Variants in KCNT2 observed in about 807,000 individuals in gnomAD.
The protein encoded by KCNT2 is potassium channel subfamily T member 2.
KCNT2 carries 67 observed loss-of-function variants against 153.8 expected under a neutral mutation model. That is an observed-to-expected ratio of 0.44 (90% CI 0.36 to 0.53). KCNT2 has a LOEUF of 0.53. Ranked by LOEUF, KCNT2 falls within the 20% of genes least tolerant of loss-of-function variation. The pLI is 0.00. For synonymous variants in KCNT2, 500 were observed against 458.8 expected, an observed-to-expected ratio of 1.09 and a Z score of -1.15; for missense variants, 975 against 1,354.8, an observed-to-expected ratio of 0.72 and a Z score of 4.40.
chr1:196,438,989 ATGT>A (rs1247395760), intron 8 of KCNT2, among the ~76,000 whole-genome samples: 5 of 151,866 alleles, frequency 3.3e-5, no homozygotes, highest in African/African-American at 1.2e-4. Flanking sequence ...TATTTTGTGA[ATGT>A]TAAGTATACC....
At chr1:196,316,565 C>G (rs1203567281) in intron 20 of KCNT2, among the ~76,000 whole-genome samples, 2 of 151,562 alleles carry the variant, frequency 1.3e-5, no homozygotes. Flanking sequence ...TCTACACAAC[C>G]AAGAGCATAT....
intron 1 of KCNT2, among the ~76,000 whole-genome samples, chr1:196,558,706 G>T (rs1659005205): frequency 6.6e-6 from 1 of 151,362 alleles, no homozygotes; most frequent in Non-Finnish European, 1.5e-5. Flanking sequence ...TTCCTGAAGG[G>T]ATTCTATTTA....
At chr1:196,575,213 A>G (rs1466861211) in intron 1 of KCNT2, among the ~76,000 whole-genome samples, 2 of 152,172 alleles carry the variant, frequency 1.3e-5, no homozygotes, top group East Asian at 1.9e-4. Context: ...ACTGATCTCT[A>G]TACACAATTA....
intron 1 of KCNT2, among the ~76,000 whole-genome samples, chr1:196,596,056 GTATATATATATATATATATATA>G (rs1174131733): frequency 0.024 from 104 of 4,358 alleles, 8 homozygotes; most frequent in African/African-American, 0.027. Context: ...TCCATGATGT[GTATATATATATATATATATATA>G]TATATATATA....
intron 13 of KCNT2, among the ~76,000 whole-genome samples, chr1:196,388,417 A>T (rs942276690): frequency 6.6e-6 from 1 of 151,646 alleles, no homozygotes; most frequent in Non-Finnish European, 1.5e-5. Context: ...TTAAAATAAG[A>T]TTATTAATAT....
chr1:196,398,483 C>G (rs1671137470), intron 13 of KCNT2, 80 bp downstream of exon 13: 4 of 652,268 alleles, frequency 6.1e-6, no homozygotes, highest in Admixed American at 6.1e-5. Context: ...TAAGTTGCCA[C>G]TTAGTTCAGA....
chr1:196,321,453 A>T (rs1663306451), intron 19 of KCNT2, among the ~76,000 whole-genome samples: 1 of 152,014 alleles, frequency 6.6e-6, no homozygotes, highest in Non-Finnish European at 1.5e-5. Context: ...TGTCTAGCAG[A>T]GAATATAAAA....
At chr1:196,303,046 T>G (rs1661330139) in intron 22 of KCNT2, among the ~76,000 whole-genome samples, 1 of 151,562 alleles carries the variant, frequency 6.6e-6, no homozygotes. Context: ...ATGACAAAAG[T>G]CCCTTCCCTT....
chr1:196,365,562 G>A lies in KCNT2; in HGVS notation c.1403+7578C>T, dbSNP rs1364903673. Among the ~76,000 whole-genome samples the A allele has an allele frequency of 2.6e-5, 4 of 152,144 alleles. No individual in the cohort carries two copies. In the East Asian group the frequency reaches 5.8e-4, roughly 22 times the overall value. Reference sequence around the variant, plus strand: ...TGGCCATGGTTAAAAACATGTTGTCGCTGTTCTTGCATCCTGTTATCTATT... The same window carrying A: ...TGGCCATGGTTAAAAACATGTTGTCACTGTTCTTGCATCCTGTTATCTATT... On this transcript the variant is annotated intron_variant, in intron 14 of 27. Coordinates refer to ENST00000294725, the MANE Select transcript of KCNT2 (RefSeq NM_198503.5).
chr1:196,494,469 A>G (rs567658778), intron 1 of KCNT2, among the ~76,000 whole-genome samples: 4 of 151,896 alleles, frequency 2.6e-5, no homozygotes, highest in African/African-American at 9.7e-5. Context: ...GCGCGATCTC[A>G]GCTCACTGCA....
intron 12 of KCNT2, among the ~76,000 whole-genome samples, chr1:196,404,657 G>C (rs567595514): frequency 1.3e-5 from 2 of 151,534 alleles, no homozygotes; most frequent in South Asian, 4.1e-4. Context: ...AATTAGGATA[G>C]ATGATGCTAC....
At chr1:196,236,712 TA>T (rs969405390) in intron 26 of KCNT2, among the ~76,000 whole-genome samples, 5 of 151,624 alleles carry the variant, frequency 3.3e-5, no homozygotes. Context: ...TGTATATATT[TA>T]AAATGAAAAG....
chr1:196,434,801 C>A (rs945023176), intron 8 of KCNT2, among the ~76,000 whole-genome samples: 2 of 151,750 alleles, frequency 1.3e-5, no homozygotes, highest in Non-Finnish European at 2.9e-5. Flanking sequence ...AGAGACATTG[C>A]AGCTCTTTTT....
chr1:196,287,327 T>C (rs191364444), intron 22 of KCNT2, among the ~76,000 whole-genome samples: 7 of 152,100 alleles, frequency 4.6e-5, no homozygotes, highest in Non-Finnish European at 8.8e-5. Context: ...GTTCTCGAGG[T>C]GTAACAAGTA....
chr1:196,554,412 G>A (rs1658361287), intron 1 of KCNT2, among the ~76,000 whole-genome samples: 1 of 151,156 alleles, frequency 6.6e-6, no homozygotes, highest in African/African-American at 2.4e-5. Context: ...TGGAGGAAAT[G>A]GATAATTTCC....
chr1:196,434,983 C>G (rs1290038675), intron 8 of KCNT2, among the ~76,000 whole-genome samples: 2 of 151,072 alleles, frequency 1.3e-5, no homozygotes, highest in Admixed American at 6.6e-5. Context: ...CAGGCCATTA[C>G]TGAAGTTGAA....
intron 1 of KCNT2, among the ~76,000 whole-genome samples, chr1:196,607,522 G>A (rs1369376732): frequency 6.6e-6 from 1 of 151,124 alleles, no homozygotes; most frequent in African/African-American, 2.4e-5. Flanking sequence ...CATATATTCT[G>A]TTTCAGTTAA....
At chr1:196,412,007 T>A (rs897447179) in intron 12 of KCNT2, among the ~76,000 whole-genome samples, 2 of 151,824 alleles carry the variant, frequency 1.3e-5, no homozygotes, top group Non-Finnish European at 2.9e-5. Context: ...GTTGAACCAT[T>A]TTTGCATTCC....
intron 14 of KCNT2, among the ~76,000 whole-genome samples, chr1:196,348,206 TAA>T (rs79246767): frequency 6.2e-5 from 9 of 144,862 alleles, no homozygotes; most frequent in East Asian, 4.0e-4. Flanking sequence ...TCATTAGAAT[TAA>T]AAAAAAAAAA....
Sources: gnomAD v4.1 joint callset for allele counts (sites outside exome capture counted in the v4.1 genomes callset) on GRCh38, gnomAD v4.1.1 for gene constraint, MANE v1.5 for transcripts, NCBI Gene and HGNC (gene_info 2026-07-23, HGNC 2026-07-21) for gene names.